RNGTT: variants seen among roughly 807,000 people sequenced by gnomAD.
RNGTT encodes mRNA-capping enzyme.
In RNGTT, 33 loss-of-function variants were observed where a neutral mutation model predicts 79.3. The observed-to-expected ratio is 0.42, with a 90% CI of 0.32 to 0.56. RNGTT has a LOEUF of 0.56. Among genes scored for constraint, RNGTT ranks in the 20% least tolerant of loss-of-function variants. The probability of loss-of-function intolerance (pLI) is 0.17; values close to 1 mark genes in which losing one functional copy is unlikely to be tolerated. For synonymous variants in RNGTT, 222 were observed against 235.9 expected (o/e 0.94, Z 0.54); for missense variants, 497 against 739.1 (o/e 0.67, Z 3.80).
chr6:88,698,440 T>C lies in RNGTT; in HGVS notation c.1440-20021A>G, dbSNP rs1051828460. Among the ~76,000 whole-genome samples, 3 of 150,912 alleles carry C rather than the reference T, an allele frequency of 2.0e-5. No individual in the cohort carries two copies. The South Asian group carries it at 6.2e-4, about 31-fold the overall frequency. ...ATGACTGTATAAATATGAATCAGCC[T>C]ACTGAGTTAGTTTAACAGACAGTAC... On this transcript the variant is annotated intron_variant, in intron 13 of 15. Transcript: ENST00000369485.
At chr6:88,679,678 G>C (rs1488912030) in intron 13 of RNGTT, among the ~76,000 whole-genome samples, 2 of 152,182 alleles carry the variant, frequency 1.3e-5, no homozygotes, top group African/African-American at 4.8e-5. Flanking sequence ...GAAACATTGA[G>C]AATGAAGAAA....
intron 4 of RNGTT, among the ~76,000 whole-genome samples, chr6:88,909,295 G>A (rs1010868221): frequency 3.3e-5 from 5 of 152,116 alleles, no homozygotes; most frequent in African/African-American, 1.2e-4. Flanking sequence ...CAGGTCAGGG[G>A]AGTGCAAGTT....
In RNGTT at chr6:88,827,765, A is replaced by G. The variant is rs114317651; in HGVS notation, c.1269+16592T>C. Among the ~76,000 whole-genome samples the G allele has an allele frequency of 2.2e-3, 334 of 152,262 alleles. 1 individual carries two copies. Among genetic ancestry groups the G allele is most frequent in the African/African-American group, 7.6e-3 (316 of 41,544 alleles). On this transcript the variant is annotated intron_variant, in intron 11 of 15. Transcript: ENST00000369485. ...GTGGTTTTCCCCTCCCAGTGTAAACAAAGCCTCCAGGAAGTTCCAACTGGG... is the reference window on the plus strand; with the variant it reads ...GTGGTTTTCCCCTCCCAGTGTAAACGAAGCCTCCAGGAAGTTCCAACTGGG...
rs867861437 is a variant in RNGTT, at chr6:88,614,302, T to C, written c.1600A>G (p.Ser534Gly). 6.2e-7 allele frequency: 1 copy of C among 1,613,872 alleles called. No homozygotes were observed. Among genetic ancestry groups the C allele is most frequent in the Non-Finnish European group, 8.5e-7 (1 of 1,179,862 alleles). Residue 534 changes from serine to glycine, a missense_variant, in exon 15 of 16, where the codon AGT becomes GGT. Around this residue, in one of 3 missense-constraint regions of RNGTT, gnomAD observed 440 missense variants for 671.5 expected, o/e 0.66. Coordinates refer to ENST00000369485, the MANE Select transcript of RNGTT (RefSeq NM_003800.5). ...WVFMRQRTDK[S>G]FPNAYNTAMA... Reference sequence around the variant, plus strand: ...GCAGTGTTGTAGGCATTAGGAAAACTTTTGTCTGTTCTCTGTCTCATGAAG... The same window carrying C: ...GCAGTGTTGTAGGCATTAGGAAAACCTTTGTCTGTTCTCTGTCTCATGAAG...
chr6:88,768,906 A>G (rs1266820726), intron 13 of RNGTT, among the ~76,000 whole-genome samples: 1 of 152,240 alleles, frequency 6.6e-6, no homozygotes, highest in Admixed American at 6.5e-5. Context: ...CTTAATAGAC[A>G]TTATAAAAAA....
intron 8 of RNGTT, among the ~76,000 whole-genome samples, chr6:88,888,541 C>G (rs1054522742): frequency 3.3e-5 from 5 of 152,138 alleles, no homozygotes; most frequent in Non-Finnish European, 5.9e-5. Flanking sequence ...GGATCTATAT[C>G]TTTCTTTGTA....
chr6:88,798,231 G>A, intron 12 of RNGTT, among the ~76,000 whole-genome samples: 1 of 152,148 alleles, frequency 6.6e-6, no homozygotes, highest in Non-Finnish European at 1.5e-5. Flanking sequence ...TTGCGAGGCT[G>A]AGGCAGGCGG....
chr6:88,871,743 C>T (rs1038229276), intron 8 of RNGTT, among the ~76,000 whole-genome samples: 3 of 152,102 alleles, frequency 2.0e-5, no homozygotes, highest in African/African-American at 7.2e-5. Flanking sequence ...CTGTTCAGAG[C>T]TTTCCTTATC....
Position 88,844,363 on chromosome 6 carries a change from T to C in RNGTT, c.1263A>G (p.Ser421=), listed in dbSNP as rs1781417110. The change falls in exon 11 of 16, where the codon TCA becomes TCG. Residue 421 remains serine, a synonymous_variant. Transcript: ENST00000369485. ...RNKPFFDICT[S]RKLLEGNFAK... The stretch of plus-strand genomic sequence containing the variant: ...AAAAAAAATTAAACTTTACCTTTCT[T>C]GAAGTACAGATGTCAAAAAACGGCT... 6.2e-7 allele frequency: 1 copy of C among 1,609,800 alleles called. No individual in the cohort carries two copies. Among genetic ancestry groups the C allele is most frequent in the Non-Finnish European group, 8.5e-7 (1 of 1,178,944 alleles).
intron 8 of RNGTT, among the ~76,000 whole-genome samples, chr6:88,860,963 G>T (rs556192864): frequency 1.4e-4 from 21 of 151,980 alleles, no homozygotes; most frequent in African/African-American, 4.8e-4. Flanking sequence ...AATACCAAGG[G>T]TTACATAATA....
intron 5 of RNGTT, 98 bp from the exon 6 acceptor site, chr6:88,905,053 C>T: frequency 6.9e-7 from 1 of 1,449,400 alleles, no homozygotes; most frequent in Non-Finnish European, 9.3e-7. Context: ...ATATAAAGTA[C>T]AACAGAAGTT....
chr6:88,672,622 G>A (rs2610722), intron 14 of RNGTT, among the ~76,000 whole-genome samples: 4,109 of 152,152 alleles, frequency 0.027, 181 homozygotes, highest in African/African-American at 0.094. Context: ...CTCTGGTGAT[G>A]GGGTCCACCA....
chr6:88,714,100 A>C (rs1776415929), intron 13 of RNGTT: 1 of 152,208 alleles, frequency 6.6e-6, no homozygotes, highest in African/African-American at 2.4e-5. Flanking sequence ...TATAAAATGG[A>C]AATAACTGTC....
intron 7 of RNGTT, among the ~76,000 whole-genome samples, chr6:88,890,903 T>A (rs956429990): frequency 4.6e-5 from 7 of 152,182 alleles, no homozygotes; most frequent in African/African-American, 1.7e-4. Flanking sequence ...GTCTTGTACT[T>A]CAGGAAGAAG....
intron 14 of RNGTT, among the ~76,000 whole-genome samples, chr6:88,621,794 T>C (rs1355648545): frequency 2.6e-5 from 4 of 152,090 alleles, no homozygotes; most frequent in African/African-American, 7.2e-5. Context: ...TGAAACTTAG[T>C]TGTTACCTGA....
At chr6:88,942,980 CT>C (rs1784897794) in intron 1 of RNGTT, among the ~76,000 whole-genome samples, 1 of 152,168 alleles carries the variant, frequency 6.6e-6, no homozygotes, top group Non-Finnish European at 1.5e-5. Flanking sequence ...CCTTCTCAGT[CT>C]ACTTTAGTGG....
intron 6 of RNGTT, among the ~76,000 whole-genome samples, chr6:88,903,228 C>T (rs116894042): frequency 1.3e-5 from 2 of 152,216 alleles, no homozygotes; most frequent in Non-Finnish European, 2.9e-5. Flanking sequence ...CAACATGGTG[C>T]TTGTAAGAGA....
intron 1 of RNGTT, among the ~76,000 whole-genome samples, chr6:88,959,182 A>G (rs1333470789): frequency 1.3e-5 from 2 of 149,552 alleles, no homozygotes; most frequent in African/African-American, 4.9e-5. Flanking sequence ...CATAACAATG[A>G]TATAATGGAC....
In RNGTT at chr6:88,663,395, A is replaced by G. The variant is rs183790011; in HGVS notation, c.1506+14958T>C. On this transcript the variant is annotated intron_variant, in intron 14 of 15. Transcript: ENST00000369485. Reference sequence around the variant, plus strand: ...TCAAAGGTATGGCACAAAGTAACTGATAAATCAGGACACCCAGACCAGTTA... The same window carrying G: ...TCAAAGGTATGGCACAAAGTAACTGGTAAATCAGGACACCCAGACCAGTTA... Among the ~76,000 whole-genome samples, 296 of 152,324 alleles carry G rather than the reference A, an allele frequency of 1.9e-3. 4 individuals carry two copies. The highest frequency in any genetic ancestry group is 7.0e-3 in the African/African-American group (290 of 41,574).
Sources: gnomAD v4.1 joint callset for allele counts (sites outside exome capture counted in the v4.1 genomes callset) on GRCh38, gnomAD v4.1.1 for gene constraint, gnomAD v4.1.1 regional missense constraint, MANE v1.5 for transcripts, NCBI Gene and HGNC (gene_info 2026-07-23, HGNC 2026-07-21) for gene names.